Variants in ELAVL4 observed in about 807,000 individuals in gnomAD.
ELAVL4 encodes the protein ELAV like RNA binding protein 4, also known as ELAV-like protein 4.
In ELAVL4, 1 loss-of-function variant was observed where a neutral mutation model predicts 35.6. That is an observed-to-expected ratio of 0.03 (90% confidence interval 0.01 to 0.13). The LOEUF is 0.13. Among genes scored for constraint, ELAVL4 ranks in the 10% least tolerant of loss-of-function variants. The pLI, the probability that ELAVL4 is intolerant of heterozygous loss-of-function variation, is 1.00. For missense variants in ELAVL4, 267 were observed against 464.9 expected (o/e 0.57, Z 3.91); for synonymous variants, 156 against 171.0 (o/e 0.91, Z 0.69).
chr1:50,161,762 G>A (rs1383675988), intron 2 of ELAVL4, among the ~76,000 whole-genome samples: 4 of 152,178 alleles, frequency 2.6e-5, no homozygotes, highest in Non-Finnish European at 5.9e-5. Context: ...GTCTCCCTCT[G>A]CCATGCAGCC....
intron 1 of ELAVL4, among the ~76,000 whole-genome samples, chr1:50,062,286 G>T (rs965800155): frequency 6.6e-6 from 1 of 152,124 alleles, no homozygotes; most frequent in African/African-American, 2.4e-5. Flanking sequence ...TGTGCAGGGT[G>T]CCCTGAGAGC....
upstream of ELAVL4, among the ~76,000 whole-genome samples, chr1:50,106,955 A>T (rs961006706): frequency 6.6e-6 from 1 of 152,210 alleles, no homozygotes; most frequent in Non-Finnish European, 1.5e-5. Flanking sequence ...AAGGGTTTTT[A>T]AAATTTTTAT....
intron 3 of ELAVL4, among the ~76,000 whole-genome samples, chr1:50,185,828 A>G (rs571041813): frequency 6.6e-6 from 1 of 152,282 alleles, no homozygotes; most frequent in South Asian, 2.1e-4. Context: ...AAAGCTTTGT[A>G]TAGGGGAAAG....
intron 2 of ELAVL4, among the ~76,000 whole-genome samples, chr1:50,157,265 G>A (rs1183857150): frequency 6.6e-6 from 1 of 152,140 alleles, no homozygotes; most frequent in African/African-American, 2.4e-5. Flanking sequence ...TCAGGTTGTT[G>A]TGCATAAAAT....
intron 1 of ELAVL4, among the ~76,000 whole-genome samples, chr1:50,123,443 C>G (rs1385640566): frequency 6.6e-6 from 1 of 151,904 alleles, no homozygotes; most frequent in Admixed American, 6.6e-5. Context: ...GTGATCTACT[C>G]AGGAAGAAAT....
intron 2 of ELAVL4, among the ~76,000 whole-genome samples, chr1:50,171,041 CAA>C (rs533733996): frequency 6.6e-6 from 1 of 151,904 alleles, no homozygotes; most frequent in African/African-American, 2.4e-5. Flanking sequence ...AGCAAACAAA[CAA>C]AAAAACCCCA....
upstream of ELAVL4, chr1:50,106,026 G>T (rs1008468595): frequency 2.8e-6 from 1 of 352,706 alleles, no homozygotes; most frequent in Admixed American, 4.5e-5. Context: ...ATTTATGAAG[G>T]ATTCCTTTTT....
intron 2 of ELAVL4, among the ~76,000 whole-genome samples, chr1:50,173,699 C>T (rs142951582): frequency 8.7e-4 from 133 of 152,224 alleles, no homozygotes; most frequent in Non-Finnish European, 1.4e-3. Context: ...TTTATTTGTT[C>T]AACTTCCCAT....
At chr1:50,109,277 G>C in intron 1 of ELAVL4, 79 bp downstream of exon 1, 1 of 1,469,606 alleles carries the variant, frequency 6.8e-7, no homozygotes, top group South Asian at 1.2e-5. Flanking sequence ...CCAGTCTTAT[G>C]CTTGCACAAG....
upstream of ELAVL4, among the ~76,000 whole-genome samples, chr1:50,102,936 A>T (rs962448498): frequency 5.9e-5 from 9 of 151,970 alleles, no homozygotes; most frequent in African/African-American, 2.2e-4. Context: ...TTTTTTCAGA[A>T]TTTTGTAAGT....
At chr1:50,056,287 T>A (rs1310450728) in intron 1 of ELAVL4, among the ~76,000 whole-genome samples, 2 of 152,158 alleles carry the variant, frequency 1.3e-5, no homozygotes, top group Admixed American at 1.3e-4. Flanking sequence ...CTACAAACTT[T>A]CCCTGTCTGT....
chr1:50,121,265 T>TACAA (rs1181504527), intron 1 of ELAVL4, among the ~76,000 whole-genome samples: 5 of 152,066 alleles, frequency 3.3e-5, no homozygotes, highest in Non-Finnish European at 7.4e-5. Flanking sequence ...ACAGAATGAA[T>TACAA]ACAACTTCAT....
At position 50,069,138 on chromosome 1, in the gene ELAVL4, T is replaced by C. The variant is rs112678184; in HGVS notation, c.18+20956T>C. ...TTATGCATTTCTGTTTATGTATCTC[T>C]ATGTCATATTTTAATTTCTGTAACA... On this transcript the variant is annotated intron_variant, in intron 1 of 6. Transcript: ENST00000448907. Among the ~76,000 whole-genome samples, 793 of 152,342 alleles carry C rather than the reference T, an allele frequency of 5.2e-3. 5 individuals are homozygous for C. Among genetic ancestry groups the C allele is most frequent in the Non-Finnish European group, 6.7e-3 (456 of 68,034 alleles).
chr1:50,134,389 A>G (rs1172026298), intron 1 of ELAVL4, among the ~76,000 whole-genome samples: 2 of 152,178 alleles, frequency 1.3e-5, no homozygotes, highest in Non-Finnish European at 2.9e-5. Flanking sequence ...TGTTCTTTGT[A>G]TGGAAGATGA....
intron 2 of ELAVL4, among the ~76,000 whole-genome samples, chr1:50,158,569 G>A (rs191558552): frequency 6.6e-6 from 1 of 152,286 alleles, no homozygotes; most frequent in Non-Finnish European, 1.5e-5. Context: ...TACTCACACA[G>A]TGAGCTAGAA....
At chr1:50,124,099 G>A (rs1223748377) in intron 1 of ELAVL4, among the ~76,000 whole-genome samples, 1 of 152,016 alleles carries the variant, frequency 6.6e-6, no homozygotes, top group South Asian at 2.1e-4. Flanking sequence ...CTTATGAGTG[G>A]GATATTGGAC....
chr1:50,174,544 C>G (rs1240623280), intron 2 of ELAVL4: 2 of 148,620 alleles, frequency 1.3e-5, no homozygotes, highest in Non-Finnish European at 3.0e-5. Flanking sequence ...TAAATGCAGT[C>G]TCTCTCTAAA....
At chr1:50,072,529 A>G (rs1249147670) in intron 1 of ELAVL4, among the ~76,000 whole-genome samples, 1 of 152,188 alleles carries the variant, frequency 6.6e-6, no homozygotes, top group Non-Finnish European at 1.5e-5. Context: ...TCACTGATGA[A>G]TGACAAAAGT....
At chr1:50,123,093 C>A (rs1027253467) in intron 1 of ELAVL4, among the ~76,000 whole-genome samples, 18 of 152,194 alleles carry the variant, frequency 1.2e-4, no homozygotes, top group Admixed American at 1.2e-3. Flanking sequence ...CAGCACTCTA[C>A]AGTCCTCCTT....
Sources: gnomAD v4.1 joint callset for allele counts (sites outside exome capture counted in the v4.1 genomes callset) on GRCh38, gnomAD v4.1.1 for gene constraint, MANE v1.5 for transcripts, NCBI Gene and HGNC (gene_info 2026-07-23, HGNC 2026-07-21) for gene names.